The following CDH18 variants were observed in gnomAD, a reference collection of about 807,000 sequenced individuals.
CDH18 encodes cadherin 18, also known as cadherin-18.
CDH18 carries 31 observed loss-of-function variants against 67.9 expected under a neutral mutation model. The observed-to-expected ratio is 0.46, with a 90% CI of 0.34 to 0.62. CDH18 has a LOEUF of 0.62. Ranked by LOEUF, CDH18 falls within the 20% of genes least tolerant of loss-of-function variation. The pLI is 0.01. For synonymous variants in CDH18, 362 were observed against 347.2 expected (o/e 1.04, Z -0.48); for missense variants, 890 against 975.5 (o/e 0.91, Z 1.17).
intron 1 of CDH18, among the ~76,000 whole-genome samples, chr5:20,417,326 T>C (rs894363387): frequency 2.6e-5 from 4 of 152,170 alleles, no homozygotes; most frequent in African/African-American, 9.6e-5. Flanking sequence ...GATATTTATT[T>C]CCCTGGAATT....
chr5:20,482,081 A>G (rs908652306), intron 1 of CDH18, among the ~76,000 whole-genome samples: 1 of 151,946 alleles, frequency 6.6e-6, no homozygotes, highest in African/African-American at 2.4e-5. Context: ...AGAATAAAAT[A>G]AAATTATAGA....
At chr5:19,743,921 CAAAAAAAAAAAAA>C (rs140476096) in intron 4 of CDH18, among the ~76,000 whole-genome samples, 2 of 65,900 alleles carry the variant, frequency 3.0e-5, no homozygotes, top group Non-Finnish European at 5.3e-5. Flanking sequence ...ACTCTTGTCT[CAAAAAAAAAAAAA>C]AAAAAAAAAA....
At chr5:19,889,093 T>G (rs1474911472) in intron 2 of CDH18, among the ~76,000 whole-genome samples, 1 of 152,120 alleles carries the variant, frequency 6.6e-6, no homozygotes, top group South Asian at 2.1e-4. Flanking sequence ...GTAAATACTA[T>G]GTAAATGGTT....
chr5:19,981,417 TA>T (rs35552795), intron 1 of CDH18, among the ~76,000 whole-genome samples: 64,894 of 152,002 alleles, frequency 0.43, 16,147 homozygotes, highest in Middle Eastern at 0.64. Context: ...GAATAATTTA[TA>T]AAGAGCAGGC....
chr5:20,318,526 T>C (rs575245334), intron 1 of CDH18, among the ~76,000 whole-genome samples: 59 of 152,234 alleles, frequency 3.9e-4, no homozygotes, highest in Middle Eastern at 3.4e-3. Flanking sequence ...GCCCTGTTGG[T>C]ACTGTATAGT....
chr5:20,215,469 TAAAC>T (rs70954643), intron 2 of CDH18, among the ~76,000 whole-genome samples: 71,078 of 132,940 alleles, frequency 0.53, 17,181 homozygotes, highest in Middle Eastern at 0.65. Flanking sequence ...AATAAATAAA[TAAAC>T]AAACCAGATG....
At chr5:20,122,292 G>A (rs888122249) in intron 2 of CDH18, among the ~76,000 whole-genome samples, 3 of 152,014 alleles carry the variant, frequency 2.0e-5, no homozygotes, top group Non-Finnish European at 4.4e-5. Context: ...TTAACACATC[G>A]CTTTTCTTTA....
At chr5:20,422,000 G>A (rs538398020) in intron 1 of CDH18, among the ~76,000 whole-genome samples, 6 of 150,850 alleles carry the variant, frequency 4.0e-5, no homozygotes, top group Admixed American at 2.6e-4. Context: ...GCTCTTTTTC[G>A]TGGACAAGTT....
At chr5:20,223,686 C>T (rs1196573782) in intron 2 of CDH18, among the ~76,000 whole-genome samples, 1 of 151,984 alleles carries the variant, frequency 6.6e-6, no homozygotes, top group Admixed American at 6.6e-5. Context: ...GGGGGTGAGT[C>T]TTTCCTGTGC....
At chr5:19,668,130 A>C (rs1758221862) in intron 5 of CDH18, among the ~76,000 whole-genome samples, 1 of 152,072 alleles carries the variant, frequency 6.6e-6, no homozygotes, top group African/African-American at 2.4e-5. Flanking sequence ...TTGAGATGGG[A>C]CAAATCTGAA....
intron 2 of CDH18, among the ~76,000 whole-genome samples, chr5:19,970,172 T>C (rs1223466103): frequency 6.6e-6 from 1 of 151,494 alleles, no homozygotes; most frequent in Non-Finnish European, 1.5e-5. Flanking sequence ...TAAAAAAGGC[T>C]CAGAATGAAA....
At chr5:19,715,807 G>A (rs1328777172) in intron 5 of CDH18, among the ~76,000 whole-genome samples, 1 of 139,784 alleles carries the variant, frequency 7.2e-6, no homozygotes, top group African/African-American at 2.6e-5. Context: ...GGAAATTCTT[G>A]TCGATCTCTT....
chr5:20,171,872 G>C (rs796641078), intron 2 of CDH18, among the ~76,000 whole-genome samples: 3 of 151,064 alleles, frequency 2.0e-5, no homozygotes, highest in African/African-American at 7.3e-5. Context: ...TCTTTAAATT[G>C]TTAAGTCTTC....
chr5:20,455,587 T>C (rs979819068), intron 1 of CDH18, among the ~76,000 whole-genome samples: 1 of 152,156 alleles, frequency 6.6e-6, no homozygotes, highest in African/African-American at 2.4e-5. Flanking sequence ...ATATGCCTTA[T>C]GTAGAAAATC....
intron 2 of CDH18, among the ~76,000 whole-genome samples, chr5:20,079,148 A>T (rs1744223534): frequency 6.6e-6 from 1 of 152,124 alleles, no homozygotes; most frequent in African/African-American, 2.4e-5. Context: ...ATGCAATAGA[A>T]CACCAGAACT....
At chr5:19,628,865 T>C (rs1374697756) in intron 5 of CDH18, among the ~76,000 whole-genome samples, 1 of 151,638 alleles carries the variant, frequency 6.6e-6, no homozygotes, top group Admixed American at 6.6e-5. Context: ...TACTGGATAC[T>C]GACACATAAG....
chr5:20,115,611 A>G (rs997595641), intron 2 of CDH18, among the ~76,000 whole-genome samples: 1 of 151,996 alleles, frequency 6.6e-6, no homozygotes. Flanking sequence ...TTACCATCAT[A>G]TTAGGGGTTA....
At chr5:19,512,935 C>T (rs141311565) in intron 10 of CDH18, among the ~76,000 whole-genome samples, 2,077 of 151,958 alleles carry the variant, frequency 0.014, 24 homozygotes, top group South Asian at 0.031. Context: ...ATCCTGCCAC[C>T]CTTTTTCTGA....
chr5:19,759,788 G>A (rs992539084), intron 3 of CDH18, among the ~76,000 whole-genome samples: 4 of 152,016 alleles, frequency 2.6e-5, no homozygotes, highest in East Asian at 1.9e-4. Flanking sequence ...ATAAATTGTC[G>A]GAAATGTAGT....
Sources: gnomAD v4.1 joint callset for allele counts (sites outside exome capture counted in the v4.1 genomes callset) on GRCh38, gnomAD v4.1.1 for gene constraint, MANE v1.5 for transcripts, NCBI Gene and HGNC (gene_info 2026-07-23, HGNC 2026-07-21) for gene names.